Variants in MAGI2 observed in about 807,000 individuals in gnomAD.
MAGI2 encodes membrane associated guanylate kinase, WW and PDZ domain containing 2.
A neutral mutation model predicts 133.3 loss-of-function variants in MAGI2; 35 were observed. The ratio of observed to expected loss-of-function variants is 0.26; its 90% CI spans 0.20 to 0.35. The LOEUF (loss-of-function observed/expected upper bound fraction) is 0.35, where lower values mean the gene tolerates loss of function less well. Ranked by LOEUF, MAGI2 falls within the 10% of genes least tolerant of loss-of-function variation. The pLI is 1.00. For synonymous variants in MAGI2, 729 were observed against 710.6 expected (o/e 1.03, Z -0.41); for missense variants, 1,636 against 1,863.4 (o/e 0.88, Z 2.25).
intron 2 of MAGI2, among the ~76,000 whole-genome samples, chr7:78,838,447 C>T (rs1791845561): frequency 2.0e-5 from 3 of 151,558 alleles, no homozygotes. Context: ...TATCCTATTC[C>T]ATTTTTTTCT....
intron 1 of MAGI2, among the ~76,000 whole-genome samples, chr7:79,098,915 G>T (rs1280747832): frequency 6.6e-6 from 1 of 151,594 alleles, no homozygotes; most frequent in Non-Finnish European, 1.5e-5. Context: ...AAAGTTGCTG[G>T]CTTCTAATAA....
intron 21 of MAGI2, among the ~76,000 whole-genome samples, chr7:78,021,017 A>C (rs1411297791): frequency 6.6e-6 from 1 of 152,170 alleles, no homozygotes; most frequent in South Asian, 2.1e-4. Context: ...ACATCAAAAC[A>C]CATATAAAAC....
chr7:78,573,263 A>AATAT (rs1362030877), intron 3 of MAGI2, among the ~76,000 whole-genome samples: 6 of 15,670 alleles, frequency 3.8e-4, no homozygotes, highest in East Asian at 8.6e-3. Context: ...TATAAATATA[A>AATAT]ATATATATAA....
Position 78,017,510 on chromosome 7 carries a change from T to C in MAGI2, c.*1805A>G, listed in dbSNP as rs1053166252. 6.6e-6 allele frequency: 1 copy of C among 152,488 alleles called. No homozygotes were observed. Among genetic ancestry groups the C allele is most frequent in the African/African-American group, 2.4e-5 (1 of 41,468 alleles). 9.4% of individuals were successfully genotyped at this position (152,488 alleles called of 1,614,324 possible). ...ATTGTCCAAAACCAGATTCAATAAA[T>C]TAATGGCAAACTATACTGGATTTCT... On this transcript the variant is annotated 3_prime_UTR_variant, in exon 22 of 22. Coordinates refer to ENST00000354212, the MANE Select transcript of MAGI2 (RefSeq NM_012301.4).
At chr7:79,006,852 G>A (rs1186824892) in intron 2 of MAGI2, 5 of 393,062 alleles carry the variant, frequency 1.3e-5, no homozygotes, top group Non-Finnish European at 2.2e-5. Context: ...CTTCAGAAAT[G>A]TAAGTTAGAT....
chr7:78,479,113 A>G (rs1181224682), intron 6 of MAGI2, among the ~76,000 whole-genome samples: 1 of 151,978 alleles, frequency 6.6e-6, no homozygotes, highest in African/African-American at 2.4e-5. Flanking sequence ...TTGGAAAATA[A>G]TATAATCTCC....
intron 15 of MAGI2, among the ~76,000 whole-genome samples, chr7:78,162,753 T>C (rs1324724818): frequency 3.0e-4 from 46 of 152,142 alleles, no homozygotes; most frequent in Admixed American, 3.0e-3. Context: ...TTTAGCCAAA[T>C]GAGCATATTT....
intron 1 of MAGI2, among the ~76,000 whole-genome samples, chr7:79,167,654 T>A (rs1825079602): frequency 6.6e-6 from 1 of 152,114 alleles, no homozygotes; most frequent in Non-Finnish European, 1.5e-5. Flanking sequence ...TGTCCCTATG[T>A]TGCTGAATCT....
intron 3 of MAGI2, among the ~76,000 whole-genome samples, chr7:78,590,648 T>G (rs1803903196): frequency 6.6e-6 from 1 of 152,208 alleles, no homozygotes; most frequent in South Asian, 2.1e-4. Context: ...GCTAGTCACG[T>G]GGGTTGTCAC....
rs10258256 is a variant in MAGI2 at position 79,376,974 on chromosome 7, T to C, written c.301+76046A>G. 2.6e-3 allele frequency among the ~76,000 whole-genome samples: 390 copies of C among 151,922 alleles called. 2 individuals are homozygous for C. Among genetic ancestry groups the C allele is most frequent in the African/African-American group, 8.7e-3 (361 of 41,496 alleles). ...TATTCTTCTGCTTGGTAGAGTCTAC[T>C]AGGACAGAAGAATCACATAAAAGAG... is the stretch of plus-strand genomic sequence containing the variant. On this transcript the variant is annotated intron_variant, in intron 1 of 21. Coordinates refer to ENST00000354212, the MANE Select transcript of MAGI2 (RefSeq NM_012301.4).
chr7:78,115,692 G>C (rs998341695), intron 20 of MAGI2, among the ~76,000 whole-genome samples: 40 of 152,148 alleles, frequency 2.6e-4, no homozygotes, highest in Non-Finnish European at 8.8e-5. Flanking sequence ...AGTAAAAGTT[G>C]ATAGCTCTTC....
chr7:78,519,558 G>C (rs1239767104), intron 4 of MAGI2, among the ~76,000 whole-genome samples: 1 of 152,122 alleles, frequency 6.6e-6, no homozygotes, highest in Non-Finnish European at 1.5e-5. Flanking sequence ...ATCAAGAACA[G>C]TTCAGTTTTA....
chr7:78,383,160 A>G (rs1249834130), intron 6 of MAGI2, among the ~76,000 whole-genome samples: 1 of 151,910 alleles, frequency 6.6e-6, no homozygotes, highest in Non-Finnish European at 1.5e-5. Flanking sequence ...CGGTGATTCT[A>G]TTTTCAGTTT....
chr7:79,157,943 TGTG>T (rs1823965939), intron 1 of MAGI2, among the ~76,000 whole-genome samples: 1 of 38,928 alleles, frequency 2.6e-5, no homozygotes, highest in Non-Finnish European at 1.7e-4. Flanking sequence ...TTTGTGTGAG[TGTG>T]TGTGTGTGTG....
At chr7:78,328,847 A>AG (rs1788874653) in intron 9 of MAGI2, among the ~76,000 whole-genome samples, 1 of 152,196 alleles carries the variant, frequency 6.6e-6, no homozygotes, top group African/African-American at 2.4e-5. Context: ...AATACAACAA[A>AG]GAAGTAAGAG....
At chr7:78,876,020 A>C (rs1161798528) in intron 2 of MAGI2, among the ~76,000 whole-genome samples, 3 of 152,146 alleles carry the variant, frequency 2.0e-5, no homozygotes, top group African/African-American at 7.2e-5. Context: ...AAAATAAATG[A>C]AGCTTCAAAA....
intron 20 of MAGI2, among the ~76,000 whole-genome samples, chr7:78,104,646 C>G (rs1181918136): frequency 6.6e-6 from 1 of 152,186 alleles, no homozygotes; most frequent in Non-Finnish European, 1.5e-5. Context: ...CCATTTCACA[C>G]TTTTAAGTCT....
At chr7:78,250,235 A>C (rs1387315511) in intron 10 of MAGI2, among the ~76,000 whole-genome samples, 1 of 152,136 alleles carries the variant, frequency 6.6e-6, no homozygotes, top group Non-Finnish European at 1.5e-5. Flanking sequence ...TTAGAAATCA[A>C]CAATAGAAAA....
At chr7:79,076,385 T>C (rs376338381) in intron 1 of MAGI2, among the ~76,000 whole-genome samples, 2 of 152,354 alleles carry the variant, frequency 1.3e-5, no homozygotes, top group East Asian at 3.9e-4. Flanking sequence ...TATTTTCAAA[T>C]GATGTTAGCA....
Sources: allele counts gnomAD v4.1 joint callset (sites outside exome capture counted in the v4.1 genomes callset), GRCh38; gene constraint gnomAD v4.1.1; transcripts MANE v1.5; gene names NCBI Gene and HGNC (gene_info 2026-07-23, HGNC 2026-07-21).